DIAPH2: variants seen among roughly 807,000 people sequenced by gnomAD.
DIAPH2 encodes the protein diaphanous related formin 2.
A neutral mutation model predicts 92.7 loss-of-function variants in DIAPH2; 35 were observed. The observed-to-expected ratio is 0.38, with a 90% confidence interval of 0.29 to 0.50. The LOEUF is 0.50. Among genes scored for constraint, DIAPH2 ranks in the 20% least tolerant of loss-of-function variants. The pLI is 0.94. For synonymous variants in DIAPH2, 301 were observed against 280.4 expected (o/e 1.07, Z -0.73); for missense variants, 701 against 819.5 (o/e 0.86, Z 1.77).
At position 96,758,165 on chromosome X, in the gene DIAPH2, C is replaced by T. The variant is rs1328922102; in HGVS notation, c.354C>T (p.Asn118=). The stretch of plus-strand genomic sequence containing the variant: ...GTTATCTCTTACAGGAGGACATGAA[C>T]CTTAACGAAGAGAAAAAAGCTCCTT... ...DLFEKMMEDM[N]LNEEKKAPLR... Residue 118 remains asparagine, a synonymous_variant, in exon 4 of 27, where the codon AAC becomes AAT. Coordinates refer to ENST00000324765, the MANE Select transcript of DIAPH2 (RefSeq NM_006729.5). 2 of 1,202,995 alleles carry T rather than the reference C, an allele frequency of 1.7e-6. No individual in the cohort carries two copies. The highest frequency in any genetic ancestry group is 3.6e-5 in the South Asian group (2 of 54,891).
At chrX:96,870,462 G>A (rs1409564295) in intron 4 of DIAPH2, among the ~76,000 whole-genome samples, 1 of 101,549 alleles carries the variant, frequency 9.8e-6, no homozygotes, top group Non-Finnish European at 2.0e-5. Flanking sequence ...TTTTTAAGTA[G>A]AGATGGGGTT....
chrX:97,191,071 G>A (rs778575277), intron 22 of DIAPH2, among the ~76,000 whole-genome samples: 14 of 110,609 alleles, frequency 1.3e-4, no homozygotes, highest in Non-Finnish European at 2.5e-4. Context: ...GTTCACGCCT[G>A]TAATCCCAGC....
intron 23 of DIAPH2, among the ~76,000 whole-genome samples, chrX:97,271,915 T>C (rs781070685): frequency 9.0e-6 from 1 of 110,647 alleles, no homozygotes; most frequent in African/African-American, 3.3e-5. Context: ...ATGGAAAATA[T>C]GTATTTCCAT....
chrX:97,188,136 C>G (rs2067623087), intron 22 of DIAPH2, among the ~76,000 whole-genome samples: 1 of 111,589 alleles, frequency 9.0e-6, no homozygotes, highest in Non-Finnish European at 1.9e-5. Context: ...ATAATGCCTA[C>G]CTTTAGGATG....
intron 4 of DIAPH2, among the ~76,000 whole-genome samples, chrX:96,820,036 A>G (rs759717622): frequency 1.7e-3 from 193 of 112,402 alleles, no homozygotes; most frequent in Non-Finnish European, 2.9e-3. Context: ...TTTCATTTCC[A>G]TGGCCTTATT....
At chrX:97,179,579 A>G (rs1313871819) in intron 22 of DIAPH2, among the ~76,000 whole-genome samples, 3 of 111,534 alleles carry the variant, frequency 2.7e-5, no homozygotes, top group African/African-American at 9.8e-5. Flanking sequence ...CATGATGTAT[A>G]TGTACCACAT....
At chrX:97,053,153 G>A (rs747149429) in intron 17 of DIAPH2, among the ~76,000 whole-genome samples, 1 of 110,935 alleles carries the variant, frequency 9.0e-6, no homozygotes, top group Admixed American at 9.6e-5. Flanking sequence ...TTAGGCCCTA[G>A]GCTTGGTTTC....
Position 96,724,066 on chromosome X carries a change from GGC to G in DIAPH2, c.133-11689_133-11688del, listed in dbSNP as rs780723229. On this transcript the variant is annotated intron_variant, in intron 1 of 26. Transcript: ENST00000324765. Reference sequence around the variant, plus strand: ...GGCCTCCCAAGTAGCTTGGATTACAGGCGCCCACCACCACGCATGGCTAATTT... The same window carrying G: ...GGCCTCCCAAGTAGCTTGGATTACAGGCCCACCACCACGCATGGCTAATTT... Among the ~76,000 whole-genome samples the G allele has an allele frequency of 6.5e-5, 7 of 108,318 alleles. No individual in the cohort carries two copies. In the South Asian group the frequency reaches 2.9e-3, roughly 45 times the overall value. The allele number at this position is 108,318 out of a possible 115,157, so 94.1% of individuals were successfully genotyped here.
intron 21 of DIAPH2, among the ~76,000 whole-genome samples, chrX:97,131,181 CA>C (rs967156655): frequency 5.6e-5 from 6 of 106,839 alleles, no homozygotes; most frequent in African/African-American, 1.4e-4. Context: ...GATTCCCTCA[CA>C]AAAAAAAATG....
At chrX:97,588,996 A>AATAGATATATATATAT (rs2071496705) in intron 26 of DIAPH2, among the ~76,000 whole-genome samples, 1 of 31,721 alleles carries the variant, frequency 3.2e-5, no homozygotes. Flanking sequence ...ATATTATAGA[A>AATAGATATATATATAT]ATATATATAT....
intron 22 of DIAPH2, among the ~76,000 whole-genome samples, chrX:97,151,122 T>C (rs962248230): frequency 1.8e-5 from 2 of 111,655 alleles, no homozygotes; most frequent in African/African-American, 6.5e-5. Context: ...GGGTTCATGA[T>C]TGGAATGGAA....
chrX:96,848,048 A>AT (rs1189685239), intron 4 of DIAPH2, among the ~76,000 whole-genome samples: 2 of 107,763 alleles, frequency 1.9e-5, no homozygotes, highest in Admixed American at 1.0e-4. Context: ...TATTATTATT[A>AT]TTTTTTTTAG....
intron 15 of DIAPH2, among the ~76,000 whole-genome samples, chrX:96,949,831 G>A (rs1199687682): frequency 1.9e-5 from 2 of 104,756 alleles, no homozygotes; most frequent in African/African-American, 7.0e-5. Context: ...CTGCACTCCA[G>A]CCTGGGTGAC....
chrX:97,280,208 C>T (rs1329760053), intron 23 of DIAPH2, among the ~76,000 whole-genome samples: 6 of 110,884 alleles, frequency 5.4e-5, no homozygotes, highest in African/African-American at 2.0e-4. Context: ...GGCGCGGTGG[C>T]TCACGCCTGT....
intron 23 of DIAPH2, among the ~76,000 whole-genome samples, chrX:97,317,154 GA>G (rs1602502167): frequency 8.9e-6 from 1 of 111,968 alleles, no homozygotes; most frequent in Non-Finnish European, 1.9e-5. Flanking sequence ...TAAAACAGGT[GA>G]ACATTGAAAA....
intron 23 of DIAPH2, among the ~76,000 whole-genome samples, chrX:97,289,260 A>G (rs1271219171): frequency 8.9e-6 from 1 of 112,329 alleles, no homozygotes; most frequent in Non-Finnish European, 1.9e-5. Flanking sequence ...TTCAACATAT[A>G]TGGACATTGT....
chrX:97,192,495 T>A (rs1486605679), intron 22 of DIAPH2, among the ~76,000 whole-genome samples: 1 of 110,558 alleles, frequency 9.0e-6, no homozygotes, highest in Non-Finnish European at 1.9e-5. Context: ...GATGCGCCCT[T>A]AGATTCCATT....
chrX:97,115,026 T>C (rs931087790), intron 21 of DIAPH2, 61 bp downstream of exon 21: 56 of 1,036,845 alleles, frequency 5.4e-5, no homozygotes, highest in Non-Finnish European at 6.9e-5. Context: ...TGAAAGGTGA[T>C]ACTGCAAATA....
intron 22 of DIAPH2, among the ~76,000 whole-genome samples, chrX:97,204,145 ATAAAC>A (rs1383862519): frequency 8.9e-6 from 1 of 112,249 alleles, no homozygotes; most frequent in Non-Finnish European, 1.9e-5. Flanking sequence ...AAAACTCTCA[ATAAAC>A]TAGGCATTGA....
Sources: gnomAD v4.1 joint callset for allele counts (sites outside exome capture counted in the v4.1 genomes callset) on GRCh38, gnomAD v4.1.1 for gene constraint, MANE v1.5 for transcripts, NCBI Gene and HGNC (gene_info 2026-07-23, HGNC 2026-07-21) for gene names.